Variants in SYNPR observed in about 807,000 individuals in gnomAD.
SYNPR encodes the protein synaptoporin.
In SYNPR, 23 loss-of-function variants were observed where a neutral mutation model predicts 32.9. That is an observed-to-expected ratio of 0.70 (90% CI 0.50 to 0.99). SYNPR has a LOEUF of 0.99. Ranked by LOEUF, SYNPR falls within the 50% of genes least tolerant of loss-of-function variation. SYNPR has a pLI of 0.00. For missense variants in SYNPR, 318 were observed against 349.3 expected, an observed-to-expected ratio of 0.91 and a Z score of 0.71; for synonymous variants, 146 against 135.9, an observed-to-expected ratio of 1.07 and a Z score of -0.52.
intron 4 of SYNPR, among the ~76,000 whole-genome samples, chr3:63,600,265 A>T (rs960228476): frequency 1.3e-5 from 2 of 152,166 alleles, no homozygotes; most frequent in African/African-American, 4.8e-5. Flanking sequence ...CTGCTCCTAA[A>T]ACAGCCACCA....
intron 2 of SYNPR, among the ~76,000 whole-genome samples, chr3:63,258,414 A>C (rs2086407116): frequency 6.6e-6 from 1 of 152,224 alleles, no homozygotes; most frequent in African/African-American, 2.4e-5. Flanking sequence ...AGGATTAAGA[A>C]ACTCACTCAA....
chr3:63,452,544 T>C (rs950516890), intron 2 of SYNPR, among the ~76,000 whole-genome samples: 4 of 152,182 alleles, frequency 2.6e-5, no homozygotes, highest in Non-Finnish European at 4.4e-5. Context: ...CAGGACAAGA[T>C]GCTAAGAGTT....
chr3:63,524,127 G>A (rs1173167959), intron 3 of SYNPR, among the ~76,000 whole-genome samples: 3 of 151,304 alleles, frequency 2.0e-5, no homozygotes, highest in Non-Finnish European at 4.4e-5. Flanking sequence ...CATGCTAAAG[G>A]AAGCTTCCTA....
At chr3:63,512,512 G>A (rs1701716198) in intron 3 of SYNPR, among the ~76,000 whole-genome samples, 2 of 152,132 alleles carry the variant, frequency 1.3e-5, no homozygotes, top group South Asian at 2.1e-4. Context: ...ATCTGGGTGA[G>A]CTCAAAGTAA....
At chr3:63,318,485 G>A (rs369157190) in intron 2 of SYNPR, among the ~76,000 whole-genome samples, 1 of 151,728 alleles carries the variant, frequency 6.6e-6, no homozygotes, top group Admixed American at 6.6e-5. Flanking sequence ...ATTGGATTGG[G>A]TTAATTCAAA....
chr3:63,592,277 AGG>A (rs1699849097), intron 4 of SYNPR, among the ~76,000 whole-genome samples: 1 of 152,172 alleles, frequency 6.6e-6, no homozygotes, highest in African/African-American at 2.4e-5. Flanking sequence ...GGCCTCCAGA[AGG>A]GTGAGAGAGT....
chr3:63,516,341 T>C (rs1701799764), intron 3 of SYNPR, among the ~76,000 whole-genome samples: 1 of 152,118 alleles, frequency 6.6e-6, no homozygotes, highest in South Asian at 2.1e-4. Flanking sequence ...GTTGGATTCT[T>C]AGAGAGGTTC....
intron 5 of SYNPR, among the ~76,000 whole-genome samples, chr3:63,613,808 C>T (rs1700238878): frequency 6.6e-6 from 1 of 151,984 alleles, no homozygotes; most frequent in African/African-American, 2.4e-5. Flanking sequence ...CCATTCCATA[C>T]AAGAAACAAA....
At chr3:63,488,079 G>A (rs1309982133) in intron 3 of SYNPR, among the ~76,000 whole-genome samples, 1 of 152,158 alleles carries the variant, frequency 6.6e-6, no homozygotes, top group Non-Finnish European at 1.5e-5. Context: ...CTGCCAGGCA[G>A]AAAGAATTTT....
chr3:63,613,196 C>A (rs1415736239), intron 5 of SYNPR, among the ~76,000 whole-genome samples: 1 of 151,360 alleles, frequency 6.6e-6, no homozygotes, highest in East Asian at 2.0e-4. Flanking sequence ...GTTGCCCAGG[C>A]ACCTCAATAA....
At chr3:63,533,323 G>T (rs548533969) in intron 3 of SYNPR, among the ~76,000 whole-genome samples, 1 of 152,232 alleles carries the variant, frequency 6.6e-6, no homozygotes, top group East Asian at 1.9e-4. Flanking sequence ...GAGAGCTCTG[G>T]AATACTTAAG....
At chr3:63,461,865 G>A (rs373060749) in intron 2 of SYNPR, among the ~76,000 whole-genome samples, 2 of 151,926 alleles carry the variant, frequency 1.3e-5, no homozygotes, top group African/African-American at 4.8e-5. Flanking sequence ...TGAGATTATG[G>A]ATGTAAAGCA....
intron 3 of SYNPR, among the ~76,000 whole-genome samples, chr3:63,542,368 G>A (rs983025461): frequency 2.0e-5 from 3 of 152,122 alleles, no homozygotes; most frequent in South Asian, 2.1e-4. Context: ...TGCCCCCTTC[G>A]TTGGGGATAC....
chr3:63,259,972 T>G (rs2086422520), intron 2 of SYNPR, among the ~76,000 whole-genome samples: 1 of 152,158 alleles, frequency 6.6e-6, no homozygotes, highest in East Asian at 1.9e-4. Flanking sequence ...CATTCACAAT[T>G]TCTTCAAAGA....
chr3:63,210,565 T>C, the SYNPR span, among the ~76,000 whole-genome samples: 3 of 152,204 alleles, frequency 2.0e-5, no homozygotes, highest in Non-Finnish European at 4.4e-5. Flanking sequence ...TCCGTTTTCT[T>C]TCCCTTCTTA....
In SYNPR at chr3:63,522,614, A is replaced by G. The variant is rs530615650; in HGVS notation, c.210-33929A>G. Among the ~76,000 whole-genome samples, 10 of 152,294 alleles carry G rather than the reference A, an allele frequency of 6.6e-5. No individual in the cohort carries two copies. The East Asian group carries it at 1.2e-3, about 18-fold the overall frequency. Reference sequence around the variant, plus strand: ...CAATAGACTTCAGTTATTTTTGTTTAGGTTTCCCAGGTGATTCTAACCTGC... The same window carrying G: ...CAATAGACTTCAGTTATTTTTGTTTGGGTTTCCCAGGTGATTCTAACCTGC... On this transcript the variant is annotated intron_variant, in intron 3 of 5. Coordinates refer to ENST00000478300, the MANE Select transcript of SYNPR (RefSeq NM_001130003.2).
chr3:63,261,110 T>G (rs1158552725), intron 2 of SYNPR, among the ~76,000 whole-genome samples: 1 of 152,118 alleles, frequency 6.6e-6, no homozygotes, highest in African/African-American at 2.4e-5. Context: ...ACTTTTACAC[T>G]GTTGGTGGGA....
chr3:63,412,421 T>C (rs148959719), intron 2 of SYNPR, among the ~76,000 whole-genome samples: 1 of 152,304 alleles, frequency 6.6e-6, no homozygotes, highest in Non-Finnish European at 1.5e-5. Context: ...ATTTATTCCA[T>C]GCAGTTTTGT....
chr3:63,278,881 C>A, intron 2 of SYNPR, 139 bp downstream of exon 2: 1 of 1,028,382 alleles, frequency 9.7e-7, no homozygotes, highest in Non-Finnish European at 1.4e-6. Context: ...AATCCTGCCC[C>A]CTCCTAAGAT....
Sources: allele counts gnomAD v4.1 joint callset (sites outside exome capture counted in the v4.1 genomes callset), GRCh38; gene constraint gnomAD v4.1.1; transcripts MANE v1.5; gene names NCBI Gene and HGNC (gene_info 2026-07-23, HGNC 2026-07-21).